The following UNG variants were observed in gnomAD, a reference collection of about 807,000 sequenced individuals.
UNG encodes the protein uracil-DNA glycosylase.
A neutral mutation model predicts 36.5 loss-of-function variants in UNG; 34 were observed. That is an observed-to-expected ratio of 0.93 (90% CI 0.71 to 1.24). The LOEUF is 1.24. UNG is among the 50% of genes most tolerant of loss of function. UNG has a pLI of 0.00. For synonymous variants in UNG, 172 were observed against 157.8 expected (o/e 1.09, Z -0.67); for missense variants, 391 against 397.6 (o/e 0.98, Z 0.14).
At position 109,110,036 on chromosome 12, in the gene UNG, GAA is replaced by G. The variant is rs193922714; in HGVS notation, c.*70_*71del. On this transcript the variant is annotated 3_prime_UTR_variant, in exon 7 of 7. Transcript: ENST00000242576. ...TATTTGCCAGTTACGAAGTTCCACT[GAA>G]AATTTTCCTATTAATTCTTAAGTAC... 474 of 1,610,696 alleles carry G rather than the reference GAA, an allele frequency of 2.9e-4. No homozygotes were observed. The African/African-American group carries it at 5.0e-3, about 17-fold the overall frequency.
chr12:109,099,188 G>A lies in UNG; in HGVS notation c.340-1G>A. ...TTAAGTCTAGTTTATCTTTAAATCA[G>A]CTAATGGGATTTGTTGCAGAAGAAA... On this transcript the variant is annotated splice_acceptor_variant, in intron 2 of 6. Coordinates refer to ENST00000242576, the MANE Select transcript of UNG (RefSeq NM_080911.3). LOFTEE classifies it high-confidence loss of function. 2 of 1,612,728 alleles carry A rather than the reference G, an allele frequency of 1.2e-6. No homozygotes were observed. The highest frequency in any genetic ancestry group is 1.7e-6 in the Non-Finnish European group (2 of 1,179,718).
chr12:109,108,641 A>G (rs888165915), intron 6 of UNG, among the ~76,000 whole-genome samples: 2 of 152,014 alleles, frequency 1.3e-5, no homozygotes, highest in Non-Finnish European at 2.9e-5. Flanking sequence ...CAAAAAATAA[A>G]AAATTAAAAA....
rs150033310 is a variant in UNG at position 109,099,629 on chromosome 12, C to T, written c.435+345C>T. Among the ~76,000 whole-genome samples, 52 of 152,148 alleles carry T rather than the reference C, an allele frequency of 3.4e-4. 1 individual carries two copies. Among genetic ancestry groups the T allele is most frequent in the African/African-American group, 1.2e-3 (50 of 41,482 alleles). Reference sequence around the variant, plus strand: ...TCTTTTGCAGCTTGTTATAGTCAACCCCACCTTGACCTGACCACACTGCCT... The same window carrying T: ...TCTTTTGCAGCTTGTTATAGTCAACTCCACCTTGACCTGACCACACTGCCT... On this transcript the variant is annotated intron_variant, in intron 3 of 6. Coordinates refer to ENST00000242576, the MANE Select transcript of UNG (RefSeq NM_080911.3).
Position 109,099,287 on chromosome 12 carries a change from A to G in UNG, c.435+3A>G. The G allele has an allele frequency of 6.2e-7, 1 of 1,611,758 alleles. No homozygotes were observed. The highest frequency in any genetic ancestry group is 8.5e-7 in the Non-Finnish European group (1 of 1,177,890). On this transcript the variant is annotated splice_donor_region_variant and intron_variant, in intron 3 of 6. Coordinates refer to ENST00000242576, the MANE Select transcript of UNG (RefSeq NM_080911.3). ...CCCAGATGTGTGACATAAAAGATGT[A>G]AGTACAACTTGTTGATAATTTTTAT...
intron 6 of UNG, among the ~76,000 whole-genome samples, chr12:109,107,848 A>G (rs547296150): frequency 6.6e-6 from 1 of 151,944 alleles, no homozygotes; most frequent in East Asian, 1.9e-4. Context: ...TTGTGGCGAG[A>G]TTTTTTTGTT....
In UNG at chr12:109,097,831, G is replaced by C; in HGVS notation, c.132+20G>C. 6.6e-7 allele frequency: 1 copy of C among 1,519,148 alleles called. No homozygotes were observed. Among genetic ancestry groups the C allele is most frequent in the Non-Finnish European group, 8.9e-7 (1 of 1,129,728 alleles). The allele number at this position is 1,519,148 out of a possible 1,614,324, so 94.1% of individuals were successfully genotyped here. Reference sequence around the variant, plus strand: ...GCGGCGGTGAGGCGCGGCTTGGGCCGGGGCTAGGGGGTGAAGGGGGAGGAA... The same window carrying C: ...GCGGCGGTGAGGCGCGGCTTGGGCCCGGGCTAGGGGGTGAAGGGGGAGGAA... On this transcript the variant is annotated intron_variant, in intron 1 of 6. Coordinates refer to ENST00000242576, the MANE Select transcript of UNG (RefSeq NM_080911.3).
intron 6 of UNG, among the ~76,000 whole-genome samples, chr12:109,104,481 C>G (rs1259259402): frequency 2.6e-5 from 4 of 152,166 alleles, no homozygotes; most frequent in Admixed American, 2.6e-4. Context: ...CACTTCTACA[C>G]CTGGTTGTGG....
chr12:109,103,543 A>G lies in UNG; in HGVS notation c.733A>G (p.Asn245Asp). 1 of 1,614,210 alleles carries G rather than the reference A, an allele frequency of 6.2e-7. No individual in the cohort carries two copies. The highest frequency in any genetic ancestry group is 8.5e-7 in the Non-Finnish European group (1 of 1,180,050). Reference sequence around the variant, plus strand: ...TGCAGTTGTGTCCTGGCTAAATCAGAACTCGAATGGCCTTGTTTTCTTGCT... The same window carrying G: ...TGCAGTTGTGTCCTGGCTAAATCAGGACTCGAATGGCCTTGTTTTCTTGCT... The part of the protein sequence containing the change: ...TDAVVSWLNQ[N>D]SNGLVFLLWG... The change falls in exon 6 of 7, where the codon AAC becomes GAC. Residue 245 changes from asparagine (N) to aspartate (D), a missense_variant. Asn to Asp is a conservative substitution (Grantham distance 23). Coordinates refer to ENST00000242576, the MANE Select transcript of UNG (RefSeq NM_080911.3).
chr12:109,097,725 G>T lies in UNG; in HGVS notation c.46G>T (p.Ala16Ser), dbSNP rs1171393436. The T allele has an allele frequency of 2.5e-6, 4 of 1,590,766 alleles. No individual in the cohort carries two copies. The highest frequency in any genetic ancestry group is 1.7e-5 in the Admixed American group (1 of 57,340). Residue 16 changes from alanine (A) to serine (S), a missense_variant, in exon 1 of 7, where the codon GCC (alanine) becomes TCC (serine). By Grantham distance (99) the Ala-to-Ser change is moderately conservative. Transcript: ENST00000242576. ...TLYSFFSPSP[A>S]RKRHAPSPEP... ...CTACTCCTTTTTCTCCCCCAGCCCC[G>T]CCAGGAAGCGACACGCCCCCAGCCC...
In UNG at chr12:109,102,000, G is replaced by T. The variant is rs1263531843; in HGVS notation, c.533+1G>T. ...AAAGGCCTGTTCCGCCTCCGCCCAG[G>T]TACAGTTGCTTTACAGGTGACTGCA... On this transcript the variant is annotated splice_donor_variant, in intron 4 of 6. Coordinates refer to ENST00000242576, the MANE Select transcript of UNG (RefSeq NM_080911.3). LOFTEE classifies it high-confidence loss of function. 1.2e-6 allele frequency: 2 copies of T among 1,613,452 alleles called. No individual in the cohort carries two copies. The highest frequency in any genetic ancestry group is 1.3e-5 in the African/African-American group (1 of 74,902).
At position 109,099,222 on chromosome 12, in the gene UNG, TAC is replaced by T; in HGVS notation, c.376_377del (p.Thr126CysfsTer16). On this transcript the variant is annotated frameshift_variant, in exon 3 of 7. Transcript: ENST00000242576. LOFTEE classifies it high-confidence loss of function. The part of the protein sequence containing the change: ...MGFVAEERKH[Y>X]TVYPPPHQVF... ...ATTTGTTGCAGAAGAAAGAAAGCAT[TAC>T]ACTGTTTATCCACCCCCACACCAAG... 1 of 1,613,918 alleles carries T rather than the reference TAC, an allele frequency of 6.2e-7. No individual in the cohort carries two copies. The highest frequency in any genetic ancestry group is 8.5e-7 in the Non-Finnish European group (1 of 1,180,004).
rs752695898 is a variant in UNG at position 109,109,976 on chromosome 12, G to C, written c.*7G>C. 1.9e-6 allele frequency: 3 copies of C among 1,614,010 alleles called. No individual in the cohort carries two copies. In the South Asian group the frequency reaches 3.3e-5, roughly 18 times the overall value. ...TGACTGGAAGGAGCTGTGATCATCA[G>C]CTGAGGGGTGGCCTTTGAGAAGCTG... On this transcript the variant is annotated 3_prime_UTR_variant, in exon 7 of 7. Transcript: ENST00000242576.
In UNG at chr12:109,097,604, G is replaced by GACCGCC. The variant is rs1462727507; in HGVS notation, c.-73_-68dup. 4 of 1,560,116 alleles carry GACCGCC rather than the reference G, an allele frequency of 2.6e-6. No individual in the cohort carries two copies. Among genetic ancestry groups the GACCGCC allele is most frequent in the Non-Finnish European group, 3.5e-6 (4 of 1,151,930 alleles). On this transcript the variant is annotated 5_prime_UTR_variant, in exon 1 of 7. Transcript: ENST00000242576. ...CGCGGGCCGCTTGGCGCCAATTGCT[G>GACCGCC]ACCGCCACAGCCACAGCCAGGGCTA...
At position 109,097,610 on chromosome 12, in the gene UNG, C is replaced by G. The variant is rs1050916118; in HGVS notation, c.-70C>G. 1 of 1,566,390 alleles carries G rather than the reference C, an allele frequency of 6.4e-7. No homozygotes were observed. The highest frequency in any genetic ancestry group is 2.4e-5 in the East Asian group (1 of 41,710). Reference sequence around the variant, plus strand: ...CCGCTTGGCGCCAATTGCTGACCGCCACAGCCACAGCCAGGGCTAGCCTCG... The same window carrying G: ...CCGCTTGGCGCCAATTGCTGACCGCGACAGCCACAGCCAGGGCTAGCCTCG... On this transcript the variant is annotated 5_prime_UTR_variant, in exon 1 of 7. Coordinates refer to ENST00000242576, the MANE Select transcript of UNG (RefSeq NM_080911.3).
rs756957921 is a variant in UNG at position 109,098,636 on chromosome 12, A to G, written c.337A>G (p.Lys113Glu). 1 of 1,613,512 alleles carries G rather than the reference A, an allele frequency of 6.2e-7. No homozygotes were observed. The highest frequency in any genetic ancestry group is 2.2e-5 in the East Asian group (1 of 44,890). The change falls in exon 2 of 7, where the codon AAG becomes GAG. Residue 113 changes from lysine (K) to glutamate (E), a missense_variant and splice_region_variant. By Grantham distance (56) the Lys-to-Glu change is moderately conservative. Transcript: ENST00000242576. ...GGAGTTCGGGAAACCGTATTTTATCAAGGTAAATATGGAAATGCACCTTCC... is the reference window on the plus strand; with the variant it reads ...GGAGTTCGGGAAACCGTATTTTATCGAGGTAAATATGGAAATGCACCTTCC... ...SGEFGKPYFIKLMGFVAEERK... is the reference protein window; with the variant it reads ...SGEFGKPYFIELMGFVAEERK...
At chr12:109,099,934 C>T (rs1431411430) in intron 3 of UNG, among the ~76,000 whole-genome samples, 1 of 152,060 alleles carries the variant, frequency 6.6e-6, no homozygotes, top group African/African-American at 2.4e-5. Context: ...TGGTGGCGCA[C>T]GCCTGTAATT....
At chr12:109,098,730 G>T (rs1480235107) in intron 2 of UNG, 92 bp downstream of exon 2, 2 of 1,551,088 alleles carry the variant, frequency 1.3e-6, no homozygotes, top group African/African-American at 2.7e-5. Flanking sequence ...TCATGTTTCC[G>T]TAGGCTTAGG....
rs376918741 is a variant in UNG at position 109,101,955 on chromosome 12, C to G, written c.489C>G (p.His163Gln). The change falls in exon 4 of 7, where the codon CAC becomes CAG. Residue 163 changes from histidine to glutamine, a missense_variant. Transcript: ENST00000242576. The part of the protein sequence containing the change: ...QDPYHGPNQA[H>Q]GLCFSVQRPV... The stretch of plus-strand genomic sequence containing the variant: ...CATATCATGGACCTAATCAAGCTCA[C>G]GGGCTCTGCTTTAGTGTTCAAAGGC... 20 of 1,614,078 alleles carry G rather than the reference C, an allele frequency of 1.2e-5. No individual in the cohort carries two copies. In the African/African-American group the frequency reaches 2.4e-4, roughly 19 times the overall value.
At chr12:109,108,939 A>G (rs927379372) in intron 6 of UNG, among the ~76,000 whole-genome samples, 6 of 151,996 alleles carry the variant, frequency 3.9e-5, no homozygotes, top group African/African-American at 1.2e-4. Flanking sequence ...GCCCCGTTCT[A>G]TTTTTCACTT....
Sources: allele counts gnomAD v4.1 joint callset (sites outside exome capture counted in the v4.1 genomes callset), GRCh38; gene constraint gnomAD v4.1.1; transcripts MANE v1.5; gene names NCBI Gene and HGNC (gene_info 2026-07-23, HGNC 2026-07-21).